Variants in TNRC6A observed in about 807,000 individuals in gnomAD.
TNRC6A encodes trinucleotide repeat-containing gene 6A protein.
TNRC6A carries 44 observed loss-of-function variants against 221.2 expected under a neutral mutation model. That is an observed-to-expected ratio of 0.20 (90% confidence interval 0.16 to 0.26). The LOEUF is 0.26. TNRC6A is among the 10% of genes least tolerant of loss of function. The pLI is 1.00. For missense variants in TNRC6A, 2,199 were observed against 2,404.4 expected (o/e 0.91, Z 1.79); for synonymous variants, 847 against 838.5 (o/e 1.01, Z -0.18).
In TNRC6A at chr16:24,824,494, G is replaced by A. The variant is rs1168997978; in HGVS notation, c.*687G>A. On this transcript the variant is annotated 3_prime_UTR_variant, in exon 25 of 25. Coordinates refer to ENST00000395799, the MANE Select transcript of TNRC6A (RefSeq NM_014494.4). Reference sequence around the variant, plus strand: ...GCAGCCCACCTGCCACCCAGGACGGGCCCTGCACTTTGAATAGGCTTTCCA... The same window carrying A: ...GCAGCCCACCTGCCACCCAGGACGGACCCTGCACTTTGAATAGGCTTTCCA... The A allele has an allele frequency of 6.6e-6, 1 of 152,462 alleles. No individual in the cohort carries two copies. Among genetic ancestry groups the A allele is most frequent in the African/African-American group, 2.4e-5 (1 of 41,374 alleles). 9.4% of individuals were successfully genotyped at this position (152,462 alleles called of 1,614,324 possible). A position where few individuals can be genotyped will look rare whatever the true frequency, so the allele number is the denominator to read the frequency against.
At chr16:24,814,409 C>CTTTTTT (rs1174753134) in intron 18 of TNRC6A, among the ~76,000 whole-genome samples, 2 of 116,766 alleles carry the variant, frequency 1.7e-5, no homozygotes, top group Non-Finnish European at 1.7e-5. Context: ...TTTTTTTTTT[C>CTTTTTT]TTTTTTTTTT....
chr16:24,686,627 T>G (rs1213401258), intron 2 of TNRC6A, among the ~76,000 whole-genome samples: 1 of 152,176 alleles, frequency 6.6e-6, no homozygotes, highest in East Asian at 1.9e-4. Context: ...AGCGCCAAAA[T>G]GATGTTGGAG....
intron 18 of TNRC6A, among the ~76,000 whole-genome samples, chr16:24,812,998 C>T (rs772887722): frequency 1.4e-4 from 21 of 151,176 alleles, no homozygotes; most frequent in Non-Finnish European, 2.1e-4. Context: ...ACCTCAGCCT[C>T]CCGAGCAGCT....
At chr16:24,642,800 C>T (rs1902021987) in intron 2 of TNRC6A, among the ~76,000 whole-genome samples, 1 of 151,904 alleles carries the variant, frequency 6.6e-6, no homozygotes, top group Non-Finnish European at 1.5e-5. Flanking sequence ...AGCCGGGCGA[C>T]ACAGTGAGAC....
intron 2 of TNRC6A, among the ~76,000 whole-genome samples, chr16:24,747,291 G>A (rs924829085): frequency 2.6e-5 from 4 of 152,126 alleles, no homozygotes; most frequent in African/African-American, 9.7e-5. Flanking sequence ...TCCCTCAGTG[G>A]CATTGACTTT....
At chr16:24,742,756 T>C (rs994749621) in intron 2 of TNRC6A, among the ~76,000 whole-genome samples, 1 of 152,118 alleles carries the variant, frequency 6.6e-6, no homozygotes, top group Non-Finnish European at 1.5e-5. Flanking sequence ...ATCTTGTCTC[T>C]ACTAAAAATT....
intron 1 of TNRC6A, 88 bp downstream of exon 1, chr16:24,729,934 G>A: frequency 8.9e-7 from 1 of 1,119,470 alleles, no homozygotes; most frequent in Non-Finnish European, 1.1e-6. Flanking sequence ...CAGCAGAGGC[G>A]GCGGCGCCGG....
At chr16:24,800,728 G>A (rs999200788) in intron 11 of TNRC6A, among the ~76,000 whole-genome samples, 2 of 152,118 alleles carry the variant, frequency 1.3e-5, no homozygotes, top group African/African-American at 2.4e-5. Flanking sequence ...GTATCTCACC[G>A]GAGACACTGC....
chr16:24,804,323 AG>A lies in TNRC6A; in HGVS notation c.3837+6del. 4 of 1,610,278 alleles carry A rather than the reference AG, an allele frequency of 2.5e-6. No homozygotes were observed. The highest frequency in any genetic ancestry group is 3.4e-6 in the Non-Finnish European group (4 of 1,179,250). ...GCGCAATCCTTATTTTGATAAGGTA[AG>A]GTTTTTTACTTTTACCTCTGACTTG... On this transcript the variant is annotated splice_donor_5th_base_variant and intron_variant, in intron 12 of 24. Transcript: ENST00000395799.
intron 2 of TNRC6A, among the ~76,000 whole-genome samples, chr16:24,691,375 G>A (rs754805973): frequency 2.0e-5 from 3 of 151,924 alleles, no homozygotes; most frequent in African/African-American, 2.4e-5. Flanking sequence ...GAGCCACTGC[G>A]CCCAACCCAT....
chr16:24,811,563 G>A (rs551529406), intron 18 of TNRC6A, among the ~76,000 whole-genome samples: 20 of 152,192 alleles, frequency 1.3e-4, no homozygotes, highest in African/African-American at 4.3e-4. Flanking sequence ...GAGATGGAGC[G>A]GGGCTAGAAT....
At position 24,818,583 on chromosome 16, in the gene TNRC6A, C is replaced by G. The variant is rs1253430097; in HGVS notation, c.4973-10C>G. 3.7e-6 allele frequency: 6 copies of G among 1,611,586 alleles called. No individual in the cohort carries two copies. In the South Asian group the frequency reaches 5.5e-5, roughly 15 times the overall value. On this transcript the variant is annotated splice_polypyrimidine_tract_variant and intron_variant, in intron 20 of 24. Coordinates refer to ENST00000395799, the MANE Select transcript of TNRC6A (RefSeq NM_014494.4). ...GCTCTGGTGGCTGATTGGACTCTTCCCCCACACAGGGTCATCCTCATCCTT... is the reference window on the plus strand; with the variant it reads ...GCTCTGGTGGCTGATTGGACTCTTCGCCCACACAGGGTCATCCTCATCCTT...
intron 17 of TNRC6A, among the ~76,000 whole-genome samples, chr16:24,808,401 T>C (rs1460994916): frequency 1.3e-5 from 2 of 152,218 alleles, no homozygotes; most frequent in Non-Finnish European, 2.9e-5. Context: ...CCTGCTGTTG[T>C]AAGGTTTTGT....
chr16:24,746,008 G>C (rs1309078579), intron 2 of TNRC6A, among the ~76,000 whole-genome samples: 1 of 151,946 alleles, frequency 6.6e-6, no homozygotes, highest in Non-Finnish European at 1.5e-5. Flanking sequence ...GCTGGTCCCT[G>C]CAATTGTCAT....
rs144221548 is a variant in TNRC6A at position 24,667,932 on chromosome 16, G to A, written n.402+26923G>A. Among the ~76,000 whole-genome samples, 393 of 152,306 alleles carry A rather than the reference G, an allele frequency of 2.6e-3. 3 individuals are homozygous for A. Among genetic ancestry groups the A allele is most frequent in the African/African-American group, 9.3e-3 (386 of 41,566 alleles). On this transcript the variant is annotated intron_variant and non_coding_transcript_variant, in intron 2 of 2. Coordinates refer to the TNRC6A transcript ENST00000566108. ...CCCAGGTACTCAGAAGGCTGAGGCA[G>A]CAGAATCTCTTGGGCCCAGAATTTT...
chr16:24,809,591 TA>T (rs1219366380), intron 18 of TNRC6A, 110 bp downstream of exon 18: 1 of 1,285,498 alleles, frequency 7.8e-7, no homozygotes, highest in Non-Finnish European at 1.0e-6. Flanking sequence ...CAAATTATCT[TA>T]GAACTTTTCC....
intron 18 of TNRC6A, among the ~76,000 whole-genome samples, chr16:24,812,534 A>G (rs902342197): frequency 6.6e-6 from 1 of 152,206 alleles, no homozygotes; most frequent in African/African-American, 2.4e-5. Context: ...TAGTGGGTCC[A>G]TTGAGCTTAT....
Position 24,823,418 on chromosome 16 carries a change from C to T in TNRC6A, c.5514-14C>T. ...GTGCTGTCCTCACGTGTCCGCGGTG[C>T]CTCTCTCCTCTAGGTGTGTACTGGG... On this transcript the variant is annotated splice_polypyrimidine_tract_variant and intron_variant, in intron 24 of 24. Coordinates refer to ENST00000395799, the MANE Select transcript of TNRC6A (RefSeq NM_014494.4). This position sits in a 1 kb window ranked among gnomAD's most constrained non-coding sequence, Gnocchi z 4.3. 6.3e-7 allele frequency: 1 copy of T among 1,597,286 alleles called. No homozygotes were observed. Among genetic ancestry groups the T allele is most frequent in the Non-Finnish European group, 8.6e-7 (1 of 1,169,240 alleles).
Position 24,790,323 on chromosome 16 carries a change from A to C in TNRC6A, c.1681A>C (p.Thr561Pro). ...MQPGVNGPMG[T>P]NFQVNTNKGG... ...GCCTGGCGTAAATGGTCCTATGGGC[A>C]CTAACTTTCAAGTTAACACAAACAA... The change falls in exon 6 of 25, where the codon ACT (threonine) becomes CCT (proline). Residue 561 changes from threonine to proline, a missense_variant. This residue lies in a region of TNRC6A where 1,405 missense variants were observed against 1,400.2 expected (regional missense o/e 1.00). Transcript: ENST00000395799. 1 of 1,614,238 alleles carries C rather than the reference A, an allele frequency of 6.2e-7. No homozygotes were observed. Among genetic ancestry groups the C allele is most frequent in the Non-Finnish European group, 8.5e-7 (1 of 1,180,034 alleles).
Sources: gnomAD v4.1 joint callset for allele counts (sites outside exome capture counted in the v4.1 genomes callset) on GRCh38, gnomAD v4.1.1 for gene constraint, gnomAD v4.1.1 regional missense constraint, Gnocchi (gnomAD v3.1) non-coding constraint, MANE v1.5 for transcripts, NCBI Gene and HGNC (gene_info 2026-07-23, HGNC 2026-07-21) for gene names.